SUGT1: variants seen among roughly 807,000 people sequenced by gnomAD.
SUGT1 encodes protein SGT1 homolog.
In SUGT1, 15 loss-of-function variants were observed where a neutral mutation model predicts 56.1. The observed-to-expected ratio is 0.27, with a 90% CI of 0.18 to 0.41. SUGT1 has a LOEUF of 0.41. Ranked by LOEUF, SUGT1 falls within the 10% of genes least tolerant of loss-of-function variation. SUGT1 has a pLI of 1.00. For missense variants in SUGT1, 347 were observed against 382.2 expected, an observed-to-expected ratio of 0.91 and a Z score of 0.77; for synonymous variants, 123 against 128.6, an observed-to-expected ratio of 0.96 and a Z score of 0.30.
At chr13:52,660,425 T>C (rs1407668148) in intron 5 of SUGT1, among the ~76,000 whole-genome samples, 1 of 152,174 alleles carries the variant, frequency 6.6e-6, no homozygotes, top group East Asian at 1.9e-4. Context: ...CCCAGGACAG[T>C]TCTGCCTAAC....
In SUGT1 at chr13:52,699,867, A is replaced by G. The variant is rs1964034886; in HGVS notation, c.*12032A>G. The G allele has an allele frequency of 1.3e-5, 2 of 152,204 alleles. No homozygotes were observed. The allele number at this position is 152,204 out of a possible 1,614,324, so 9.4% of individuals were successfully genotyped here. On this transcript the variant is annotated 3_prime_UTR_variant, in exon 13 of 13. Coordinates refer to ENST00000310528, the MANE Select transcript of SUGT1 (RefSeq NM_006704.5). ...TAATTTCAAGTAAGTTTGCAAATGC[A>G]ATGCTAGTAAAAAGTATATAGAGGT...
rs531526752 is a variant in SUGT1, at chr13:52,659,738, A to G, written c.328+489A>G. 1.2e-3 allele frequency among the ~76,000 whole-genome samples: 181 copies of G among 147,936 alleles called. 1 individual carries two copies. Among genetic ancestry groups the G allele is most frequent in the Middle Eastern group, 3.5e-3 (1 of 284 alleles). On this transcript the variant is annotated intron_variant, in intron 5 of 12. Coordinates refer to ENST00000310528, the MANE Select transcript of SUGT1 (RefSeq NM_006704.5). ...TATATTCTTGAGGGAATATATGAAA[A>G]GTATCACAGTGGTGTGGATATCTAG...
At chr13:52,686,346 T>A (rs1352281083) in intron 12 of SUGT1, among the ~76,000 whole-genome samples, 2 of 152,244 alleles carry the variant, frequency 1.3e-5, no homozygotes, top group Non-Finnish European at 2.9e-5. Context: ...AATGTACTCC[T>A]TGCCCTTAAT....
chr13:52,675,730 G>C (rs1469643813), intron 10 of SUGT1, among the ~76,000 whole-genome samples: 1 of 152,192 alleles, frequency 6.6e-6, no homozygotes, highest in Non-Finnish European at 1.5e-5. Flanking sequence ...TGTAAAACAG[G>C]TTAATGCACA....
intron 10 of SUGT1, among the ~76,000 whole-genome samples, chr13:52,668,308 T>C (rs1962800032): frequency 6.6e-6 from 1 of 152,162 alleles, no homozygotes; most frequent in Non-Finnish European, 1.5e-5. Flanking sequence ...ACATAGGTCC[T>C]GCAGCATACT....
In SUGT1 at chr13:52,676,122, T is replaced by C. The variant is rs550739791; in HGVS notation, c.628-108T>C. 1.6e-5 allele frequency: 12 copies of C among 753,044 alleles called. No individual in the cohort carries two copies. The Admixed American group carries it at 4.0e-4, about 25-fold the overall frequency. The allele number at this position is 753,044 out of a possible 1,614,324, so 46.6% of individuals were successfully genotyped here. ...AACCTTGTATAATTTAAGGAAACTGTCAAAGATACTATTCTTAACAAAACT... is the reference window on the plus strand; with the variant it reads ...AACCTTGTATAATTTAAGGAAACTGCCAAAGATACTATTCTTAACAAAACT... On this transcript the variant is annotated intron_variant, in intron 10 of 12. Coordinates refer to ENST00000310528, the MANE Select transcript of SUGT1 (RefSeq NM_006704.5).
rs1964031066 is a variant in SUGT1, at chr13:52,699,680, G to A, written c.*11845G>A. 1 of 152,108 alleles carries A rather than the reference G, an allele frequency of 6.6e-6. No individual in the cohort carries two copies. The highest frequency in any genetic ancestry group is 1.5e-5 in the Non-Finnish European group (1 of 68,016). The allele number at this position is 152,108 out of a possible 1,614,324, so 9.4% of individuals were successfully genotyped here. A position where few individuals can be genotyped will look rare whatever the true frequency, so the allele number is the denominator to read the frequency against. ...GTTTTTGCTTGTCTAGTTTATTACA[G>A]GTCTTTGACTTTGTCAGTATATGGC... On this transcript the variant is annotated 3_prime_UTR_variant, in exon 13 of 13. Coordinates refer to ENST00000310528, the MANE Select transcript of SUGT1 (RefSeq NM_006704.5).
intron 10 of SUGT1, among the ~76,000 whole-genome samples, chr13:52,675,160 C>T (rs1417400487): frequency 6.6e-6 from 1 of 152,132 alleles, no homozygotes; most frequent in African/African-American, 2.4e-5. Flanking sequence ...TAAAGCGTTT[C>T]CCCTTCACAG....
At chr13:52,660,391 G>A (rs947279264) in intron 5 of SUGT1, among the ~76,000 whole-genome samples, 9 of 151,966 alleles carry the variant, frequency 5.9e-5, no homozygotes, top group Non-Finnish European at 1.0e-4. Flanking sequence ...ATAAACCAGG[G>A]GTGCTACTAA....
chr13:52,687,718 T>G lies in SUGT1; in HGVS notation c.901-16T>G. The G allele has an allele frequency of 2.6e-6, 4 of 1,560,932 alleles. No individual in the cohort carries two copies. The highest frequency in any genetic ancestry group is 3.5e-6 in the Non-Finnish European group (4 of 1,157,694). On this transcript the variant is annotated splice_polypyrimidine_tract_variant and intron_variant, in intron 12 of 12. Transcript: ENST00000310528. ...ATATGGTCCAGGAATTAATCTATTT[T>G]TATTTTTCATTGCAGATGGAGTCGG...
intron 12 of SUGT1, among the ~76,000 whole-genome samples, chr13:52,683,910 T>C (rs1963470239): frequency 6.6e-6 from 1 of 152,180 alleles, no homozygotes; most frequent in Non-Finnish European, 1.5e-5. Flanking sequence ...TGAGACGGCA[T>C]TTTTCTATCG....
rs1420502229 is a variant in SUGT1, at chr13:52,698,242, C to T, written c.*10407C>T. The T allele has an allele frequency of 6.6e-6, 1 of 152,164 alleles. No individual in the cohort carries two copies. The highest frequency in any genetic ancestry group is 1.5e-5 in the Non-Finnish European group (1 of 68,022). The allele number at this position is 152,164 out of a possible 1,614,324, so 9.4% of individuals were successfully genotyped here. A position where few individuals can be genotyped will look rare whatever the true frequency, so the allele number is the denominator to read the frequency against. ...CAAACATGTATTTGCATTTCATCCA[C>T]TGTCAGTATGAGGAGACAAAAACGA... On this transcript the variant is annotated 3_prime_UTR_variant, in exon 13 of 13. Coordinates refer to ENST00000310528, the MANE Select transcript of SUGT1 (RefSeq NM_006704.5).
At chr13:52,661,533 T>A in intron 5 of SUGT1, 1 of 378,706 alleles carries the variant, frequency 2.6e-6, no homozygotes, top group Non-Finnish European at 5.2e-6. Flanking sequence ...CCTCAAGTGA[T>A]CCACCTGCCT....
rs530217731 is a variant in SUGT1 at position 52,662,891 on chromosome 13, G to T, written c.382+189G>T. 2.0e-5 allele frequency among the ~76,000 whole-genome samples: 3 copies of T among 152,266 alleles called. No homozygotes were observed. The East Asian group carries it at 5.8e-4, about 29-fold the overall frequency. ...TTATGTTGAAAGGGGGATTTGGGTG[G>T]ATTTGCTTGTATGGTATATCAGTAA... On this transcript the variant is annotated intron_variant, in intron 6 of 12. Transcript: ENST00000310528.
rs2138193737 is a variant in SUGT1 at position 52,694,131 on chromosome 13, T to G, written c.*6296T>G. On this transcript the variant is annotated 3_prime_UTR_variant, in exon 13 of 13. Transcript: ENST00000310528. ...TTAATAGTCTATCTGTATTGCATTA[T>G]CTTCTAAAATCCAAAATTCTGACTT... 6.6e-6 allele frequency: 1 copy of G among 152,338 alleles called. No homozygotes were observed. The allele number at this position is 152,338 out of a possible 1,614,324, so 9.4% of individuals were successfully genotyped here.
chr13:52,665,590 TA>T, intron 8 of SUGT1, 46 bp from the exon 9 acceptor site: 6 of 1,433,394 alleles, frequency 4.2e-6, no homozygotes, highest in South Asian at 2.6e-5. Flanking sequence ...ACAATAGCTT[TA>T]AAAAAATTAG....
intron 10 of SUGT1, among the ~76,000 whole-genome samples, chr13:52,673,874 C>T (rs552413257): frequency 2.7e-4 from 41 of 152,148 alleles, no homozygotes; most frequent in Admixed American, 8.5e-4. Context: ...ATTTATGTCC[C>T]TTTTGATAAA....
chr13:52,690,147 C>T lies in SUGT1; in HGVS notation c.*2312C>T, dbSNP rs1232092753. 1.3e-5 allele frequency: 2 copies of T among 152,076 alleles called. No homozygotes were observed. The highest frequency in any genetic ancestry group is 2.9e-5 in the Non-Finnish European group (2 of 68,024). The allele number at this position is 152,076 out of a possible 1,614,324, so 9.4% of individuals were successfully genotyped here. A position where few individuals can be genotyped will look rare whatever the true frequency, so the allele number is the denominator to read the frequency against. ...GAAAGCATTATAAAACATACCTTGTCAAATACATTAGATTCATTATAGGTC... is the reference window on the plus strand; with the variant it reads ...GAAAGCATTATAAAACATACCTTGTTAAATACATTAGATTCATTATAGGTC... On this transcript the variant is annotated 3_prime_UTR_variant, in exon 13 of 13. Coordinates refer to ENST00000310528, the MANE Select transcript of SUGT1 (RefSeq NM_006704.5).
intron 11 of SUGT1, among the ~76,000 whole-genome samples, chr13:52,677,179 ATTTGTGTGTGTG>A (rs767362423): frequency 2.6e-5 from 4 of 152,098 alleles, no homozygotes; most frequent in African/African-American, 4.8e-5. Context: ...TCAACAGATC[ATTTGTGTGTGTG>A]TTTGTGTGTG....
Sources: gnomAD v4.1 joint callset for allele counts (sites outside exome capture counted in the v4.1 genomes callset) on GRCh38, gnomAD v4.1.1 for gene constraint, MANE v1.5 for transcripts, NCBI Gene and HGNC (gene_info 2026-07-23, HGNC 2026-07-21) for gene names.